The following PTPRT variants were observed in gnomAD, a reference collection of about 807,000 sequenced individuals.
PTPRT encodes receptor-type tyrosine-protein phosphatase T.
In PTPRT, 56 loss-of-function variants were observed where a neutral mutation model predicts 176.8. The ratio of observed to expected loss-of-function variants is 0.32; its 90% CI spans 0.26 to 0.40. PTPRT has a LOEUF of 0.40. PTPRT is among the 10% of genes least tolerant of loss of function. The probability of loss-of-function intolerance (pLI) is 1.00; values close to 1 mark genes in which losing one functional copy is unlikely to be tolerated. For missense variants in PTPRT, 1,540 were observed against 1,908.2 expected, an observed-to-expected ratio of 0.81 and a Z score of 3.60; for synonymous variants, 783 against 739.0, an observed-to-expected ratio of 1.06 and a Z score of -0.96.
At chr20:42,355,440 G>C (rs1197760482) in intron 9 of PTPRT, among the ~76,000 whole-genome samples, 1 of 152,222 alleles carries the variant, frequency 6.6e-6, no homozygotes, top group Admixed American at 6.5e-5. Flanking sequence ...AATGCTCGTG[G>C]AGGTATCTCA....
At chr20:42,214,358 T>C (rs2055717500) in intron 15 of PTPRT, among the ~76,000 whole-genome samples, 1 of 152,116 alleles carries the variant, frequency 6.6e-6, no homozygotes, top group Non-Finnish European at 1.5e-5. Context: ...CAACCACTCA[T>C]GTCCTGCAGG....
At chr20:43,100,507 G>C (rs939577539) in intron 1 of PTPRT, among the ~76,000 whole-genome samples, 1 of 152,218 alleles carries the variant, frequency 6.6e-6, no homozygotes, top group Non-Finnish European at 1.5e-5. Context: ...TCACTAAGGA[G>C]GCAAGATCAA....
rs572395891 is a variant in PTPRT, at chr20:42,887,100, G to A, written c.89-1168C>T. Among the ~76,000 whole-genome samples, 10 of 152,138 alleles carry A rather than the reference G, an allele frequency of 6.6e-5. No individual in the cohort carries two copies. The South Asian group carries it at 2.1e-3, about 32-fold the overall frequency. On this transcript the variant is annotated intron_variant, in intron 1 of 30. Coordinates refer to ENST00000373187, the MANE Select transcript of PTPRT (RefSeq NM_007050.6). ...ACATCACCATCCTCCTCCTTTAAAC[G>A]CTCACAGGTTTCCCACCCCACAGAG... is the stretch of plus-strand genomic sequence containing the variant.
At chr20:42,370,107 G>T (rs1291001169) in intron 9 of PTPRT, among the ~76,000 whole-genome samples, 4 of 152,164 alleles carry the variant, frequency 2.6e-5, no homozygotes. Flanking sequence ...CCAAAGTGCA[G>T]ACTCCAAACC....
intron 1 of PTPRT, among the ~76,000 whole-genome samples, chr20:43,046,002 T>G (rs537946999): frequency 1.3e-4 from 19 of 151,910 alleles, no homozygotes; most frequent in African/African-American, 4.3e-4. Context: ...GAAGAGTGAA[T>G]GCAAAGGCCA....
intron 2 of PTPRT, among the ~76,000 whole-genome samples, chr20:42,801,290 G>T (rs1356160895): frequency 6.6e-6 from 1 of 152,086 alleles, no homozygotes; most frequent in East Asian, 1.9e-4. Flanking sequence ...TCCCATGGAG[G>T]TCTGCTAAAG....
chr20:42,218,349 A>G (rs1052557373), intron 15 of PTPRT, among the ~76,000 whole-genome samples: 2 of 152,254 alleles, frequency 1.3e-5, no homozygotes, highest in Admixed American at 6.5e-5. Context: ...GATTGAGGAT[A>G]TTAAGGATAA....
chr20:42,634,593 T>C (rs899734425), intron 7 of PTPRT, among the ~76,000 whole-genome samples: 8 of 152,060 alleles, frequency 5.3e-5, no homozygotes, highest in Non-Finnish European at 5.9e-5. Context: ...GCTAATTTCA[T>C]TTTAAAATTA....
At chr20:43,151,500 A>G (rs1051829275) in intron 1 of PTPRT, among the ~76,000 whole-genome samples, 15 of 152,172 alleles carry the variant, frequency 9.9e-5, no homozygotes, top group African/African-American at 3.4e-4. Flanking sequence ...GACTCCAGAT[A>G]TGAATAAACA....
At chr20:42,532,942 T>G (rs752504964) in intron 7 of PTPRT, among the ~76,000 whole-genome samples, 5 of 152,130 alleles carry the variant, frequency 3.3e-5, no homozygotes, top group Middle Eastern at 3.2e-3. Context: ...TGCAAGTCGT[T>G]TAGCAGAGCC....
rs545013358 is a variant in PTPRT, at chr20:42,526,347, T to A, written c.1154-53785A>T. Reference sequence around the variant, plus strand: ...TTCTAACGTTTTACTGATTTCCATTTCCTTTTCCTCATTGTTGTTCATGCC... The same window carrying A: ...TTCTAACGTTTTACTGATTTCCATTACCTTTTCCTCATTGTTGTTCATGCC... On this transcript the variant is annotated intron_variant, in intron 7 of 30. Transcript: ENST00000373187. Among the ~76,000 whole-genome samples, 7 of 152,296 alleles carry A rather than the reference T, an allele frequency of 4.6e-5. No individual in the cohort carries two copies. In the South Asian group the frequency reaches 1.4e-3, roughly 32 times the overall value.
intron 7 of PTPRT, among the ~76,000 whole-genome samples, chr20:42,671,545 T>C (rs1304523131): frequency 6.6e-6 from 1 of 152,166 alleles, no homozygotes; most frequent in Non-Finnish European, 1.5e-5. Context: ...CAGGAGATGA[T>C]GAACAACAAA....
chr20:42,689,070 C>T (rs2075748699), intron 6 of PTPRT, among the ~76,000 whole-genome samples: 1 of 152,058 alleles, frequency 6.6e-6, no homozygotes, highest in Admixed American at 6.5e-5. Context: ...GGGTGGTTCC[C>T]CAGTAAGGGC....
chr20:42,911,966 A>ATCCTCTTTTCT (rs1238244162), intron 1 of PTPRT, among the ~76,000 whole-genome samples: 1 of 139,630 alleles, frequency 7.2e-6, no homozygotes, highest in Non-Finnish European at 1.5e-5. Flanking sequence ...ACTAACCCAA[A>ATCCTCTTTTCT]TCCTCTTTTC....
At chr20:43,083,337 T>TGTATATACATATATATATATATATAC (rs1568773961) in intron 1 of PTPRT, among the ~76,000 whole-genome samples, 25 of 105,760 alleles carry the variant, frequency 2.4e-4, no homozygotes, top group Non-Finnish European at 2.8e-4. Flanking sequence ...TATATATATA[T>TGTATATACATATATATATATATATAC]ATATATATAT....
intron 1 of PTPRT, among the ~76,000 whole-genome samples, chr20:42,950,346 A>G (rs1981162788): frequency 6.6e-6 from 1 of 152,218 alleles, no homozygotes; most frequent in African/African-American, 2.4e-5. Flanking sequence ...CTGTTCTTAT[A>G]TGGGGCCAGG....
chr20:42,943,074 A>G (rs1169350060), intron 1 of PTPRT, among the ~76,000 whole-genome samples: 1 of 152,168 alleles, frequency 6.6e-6, no homozygotes, highest in Non-Finnish European at 1.5e-5. Flanking sequence ...TCACTCATCC[A>G]TTTATTTAGA....
At chr20:42,495,023 T>G (rs2071628473) in intron 7 of PTPRT, among the ~76,000 whole-genome samples, 1 of 152,180 alleles carries the variant, frequency 6.6e-6, no homozygotes, top group Non-Finnish European at 1.5e-5. Context: ...CTGGGCCTTG[T>G]CATCCTGACT....
chr20:42,271,545 C>T (rs2056935623), intron 13 of PTPRT, among the ~76,000 whole-genome samples: 1 of 152,204 alleles, frequency 6.6e-6, no homozygotes, highest in Non-Finnish European at 1.5e-5. Flanking sequence ...CTAGTGTACT[C>T]ATGTGGCCTT....
Sources: allele counts gnomAD v4.1 joint callset (sites outside exome capture counted in the v4.1 genomes callset), GRCh38; gene constraint gnomAD v4.1.1; transcripts MANE v1.5; gene names NCBI Gene and HGNC (gene_info 2026-07-23, HGNC 2026-07-21).